Variants in KCTD8 observed in about 807,000 individuals in gnomAD.
KCTD8 encodes potassium channel tetramerization domain containing 8.
Under a neutral mutation model 31.5 loss-of-function variants are expected in KCTD8, and 27 were observed. That is an observed-to-expected ratio of 0.86 (90% CI 0.63 to 1.18). The LOEUF is 1.18. Among genes scored for constraint, KCTD8 ranks in the 50% most tolerant of loss-of-function variants. The probability of loss-of-function intolerance (pLI) is 0.00; values close to 1 mark genes in which losing one functional copy is unlikely to be tolerated. For synonymous variants in KCTD8, 290 were observed against 280.0 expected (o/e 1.04, Z -0.36); for missense variants, 658 against 647.7 (o/e 1.02, Z -0.17).
chr4:44,239,979 C>A (rs1000260638), intron 1 of KCTD8, among the ~76,000 whole-genome samples: 6 of 152,168 alleles, frequency 3.9e-5, no homozygotes, highest in Admixed American at 3.9e-4. Context: ...CCAATTACCT[C>A]CCTGGATGGA....
chr4:44,275,830 G>A, intron 1 of KCTD8, among the ~76,000 whole-genome samples: 1 of 151,974 alleles, frequency 6.6e-6, no homozygotes, highest in East Asian at 1.9e-4. Flanking sequence ...AGGTATGGTA[G>A]TATAAAGAGA....
intron 1 of KCTD8, among the ~76,000 whole-genome samples, chr4:44,299,111 G>C (rs915473900): frequency 6.6e-6 from 1 of 152,246 alleles, no homozygotes. Flanking sequence ...AATTATAGAA[G>C]TGAATACATG....
intron 1 of KCTD8, among the ~76,000 whole-genome samples, chr4:44,270,114 C>T (rs1301127213): frequency 3.9e-5 from 6 of 152,036 alleles, no homozygotes; most frequent in African/African-American, 1.5e-4. Context: ...TGGCACTATT[C>T]ACAATAGCAA....
At chr4:44,334,652 T>A (rs926205123) in intron 1 of KCTD8, among the ~76,000 whole-genome samples, 1 of 151,908 alleles carries the variant, frequency 6.6e-6, no homozygotes, top group African/African-American at 2.4e-5. Context: ...TATATAACAA[T>A]GTAAAAAAAA....
At chr4:44,260,452 T>C (rs944768271) in intron 1 of KCTD8, among the ~76,000 whole-genome samples, 1 of 151,890 alleles carries the variant, frequency 6.6e-6, no homozygotes, top group Non-Finnish European at 1.5e-5. Context: ...TAATGTTAGG[T>C]ACTTGATAAA....
rs578139910 is a variant in KCTD8 at position 44,263,430 on chromosome 4, A to G, written c.962-88180T>C. 7.9e-5 allele frequency among the ~76,000 whole-genome samples: 12 copies of G among 152,272 alleles called. No individual in the cohort carries two copies. The East Asian group carries it at 2.3e-3, about 29-fold the overall frequency. ...AAAGACTGATGTTTTAGGCCTAAAA[A>G]TGGCTACTTCTTAATCGTTTGCTGT... On this transcript the variant is annotated intron_variant, in intron 1 of 1. Transcript: ENST00000360029.
chr4:44,296,722 A>G (rs1717447727), intron 1 of KCTD8, among the ~76,000 whole-genome samples: 1 of 152,034 alleles, frequency 6.6e-6, no homozygotes, highest in Non-Finnish European at 1.5e-5. Flanking sequence ...TCTAGTAATG[A>G]TTCATCTAAT....
intron 1 of KCTD8, among the ~76,000 whole-genome samples, chr4:44,401,340 T>C (rs1458165315): frequency 1.3e-5 from 2 of 152,116 alleles, no homozygotes; most frequent in Non-Finnish European, 2.9e-5. Context: ...GTTTTCATCA[T>C]TGTTTTTAAG....
intron 1 of KCTD8, among the ~76,000 whole-genome samples, chr4:44,323,995 T>A (rs774710140): frequency 2.0e-5 from 3 of 148,472 alleles, no homozygotes; most frequent in Non-Finnish European, 4.4e-5. Context: ...TATACATATG[T>A]AACTAACCTG....
intron 1 of KCTD8, among the ~76,000 whole-genome samples, chr4:44,359,801 T>G (rs562970010): frequency 2.1e-4 from 32 of 152,202 alleles, no homozygotes; most frequent in African/African-American, 6.3e-4. Context: ...AAGGGAGGTG[T>G]TATTTAAAAT....
intron 1 of KCTD8, among the ~76,000 whole-genome samples, chr4:44,427,536 A>G (rs1416798926): frequency 6.6e-6 from 1 of 151,724 alleles, no homozygotes; most frequent in Non-Finnish European, 1.5e-5. Context: ...ATCAATTTAT[A>G]AAACTCATGA....
chr4:44,397,146 G>A (rs1720525264), intron 1 of KCTD8, among the ~76,000 whole-genome samples: 1 of 152,100 alleles, frequency 6.6e-6, no homozygotes, highest in African/African-American at 2.4e-5. Context: ...TATGAATTGT[G>A]ATTGATTGTA....
At chr4:44,320,189 AAAAAAAAAAAGAG>A (rs1718257884) in intron 1 of KCTD8, among the ~76,000 whole-genome samples, 4 of 149,506 alleles carry the variant, frequency 2.7e-5, no homozygotes, top group Non-Finnish European at 4.5e-5. Flanking sequence ...AAAAAAAAAA[AAAAAAAAAAAGAG>A]AGAGAGAATT....
At position 44,378,263 on chromosome 4, in the gene KCTD8, A is replaced by C. The variant is rs553233194; in HGVS notation, c.961+69300T>G. ...AATATATATATATATATATATCTCC[A>C]TGTATGTGTATTAGGCAGGGCACAA... On this transcript the variant is annotated intron_variant, in intron 1 of 1. Coordinates refer to ENST00000360029, the MANE Select transcript of KCTD8 (RefSeq NM_198353.3). 6.9e-5 allele frequency among the ~76,000 whole-genome samples: 10 copies of C among 145,702 alleles called. No individual in the cohort carries two copies. The East Asian group carries it at 2.0e-3, about 30-fold the overall frequency.
chr4:44,274,481 T>C (rs1259683226), intron 1 of KCTD8, among the ~76,000 whole-genome samples: 2 of 151,934 alleles, frequency 1.3e-5, no homozygotes, highest in African/African-American at 2.4e-5. Flanking sequence ...AGCTCTTCCA[T>C]GTCAGACATA....
chr4:44,388,699 C>G (rs1720288563), intron 1 of KCTD8, among the ~76,000 whole-genome samples: 2 of 151,402 alleles, frequency 1.3e-5, no homozygotes, highest in African/African-American at 4.8e-5. Context: ...AGGGGCCTTT[C>G]AGAGGGTGGA....
intron 1 of KCTD8, among the ~76,000 whole-genome samples, chr4:44,365,200 G>A (rs1453253309): frequency 6.6e-6 from 1 of 152,036 alleles, no homozygotes. Context: ...TGTATTTACT[G>A]CACAATGTTT....
intron 1 of KCTD8, among the ~76,000 whole-genome samples, chr4:44,402,512 C>G (rs747853530): frequency 2.6e-5 from 4 of 151,942 alleles, no homozygotes; most frequent in Non-Finnish European, 5.9e-5. Flanking sequence ...CGGTAGTGCC[C>G]CCATAAACCA....
intron 1 of KCTD8, among the ~76,000 whole-genome samples, chr4:44,257,629 C>T (rs1716025898): frequency 6.6e-6 from 1 of 152,020 alleles, no homozygotes; most frequent in Non-Finnish European, 1.5e-5. Context: ...GCTATAGTCA[C>T]TTCTAGTTAG....
Sources: gnomAD v4.1 joint callset for allele counts (sites outside exome capture counted in the v4.1 genomes callset) on GRCh38, gnomAD v4.1.1 for gene constraint, MANE v1.5 for transcripts, NCBI Gene and HGNC (gene_info 2026-07-23, HGNC 2026-07-21) for gene names.